RABGAP1L: variants seen among roughly 807,000 people sequenced by gnomAD.
The protein encoded by RABGAP1L is RAB GTPase activating protein 1 like.
A neutral mutation model predicts 137.7 loss-of-function variants in RABGAP1L; 63 were observed. That is an observed-to-expected ratio of 0.46 (90% CI 0.37 to 0.56). RABGAP1L has a LOEUF of 0.56. Among genes scored for constraint, RABGAP1L ranks in the 20% least tolerant of loss-of-function variants. The pLI, the probability that RABGAP1L is intolerant of heterozygous loss-of-function variation, is 0.00. For missense variants in RABGAP1L, 1,095 were observed against 1,244.0 expected (o/e 0.88, Z 1.80); for synonymous variants, 431 against 433.7 (o/e 0.99, Z 0.08).
intron 13 of RABGAP1L, among the ~76,000 whole-genome samples, chr1:174,462,425 A>G (rs1427336177): frequency 6.6e-6 from 1 of 151,916 alleles, no homozygotes; most frequent in Non-Finnish European, 1.5e-5. Flanking sequence ...TCTCCCTTCA[A>G]CTTCATCTTG....
chr1:174,585,969 T>C (rs1186808879), intron 13 of RABGAP1L, among the ~76,000 whole-genome samples: 1 of 152,228 alleles, frequency 6.6e-6, no homozygotes, highest in Non-Finnish European at 1.5e-5. Flanking sequence ...AGTGTGGTGA[T>C]TCCTTGAAGA....
chr1:174,376,132 TAGAG>T (rs1241067999), intron 12 of RABGAP1L, among the ~76,000 whole-genome samples: 2 of 122,528 alleles, frequency 1.6e-5, no homozygotes, highest in Admixed American at 1.9e-4. Context: ...CAGAGAGAGA[TAGAG>T]AAAGAGAGAA....
At chr1:174,813,576 A>C (rs1390329588) in intron 19 of RABGAP1L, among the ~76,000 whole-genome samples, 1 of 152,266 alleles carries the variant, frequency 6.6e-6, no homozygotes, top group East Asian at 1.9e-4. Context: ...GTAACTGGGC[A>C]GAAAAAAATT....
intron 18 of RABGAP1L, chr1:174,800,002 G>C: frequency 9.1e-7 from 1 of 1,095,964 alleles, no homozygotes; most frequent in Non-Finnish European, 1.1e-6. Context: ...TCACATGCTA[G>C]ACCCTTCTAA....
At chr1:174,274,354 G>A (rs1385743982) in intron 8 of RABGAP1L, among the ~76,000 whole-genome samples, 2 of 152,024 alleles carry the variant, frequency 1.3e-5, no homozygotes, top group Admixed American at 6.6e-5. Flanking sequence ...CTTTAAGGTC[G>A]TCCCGTAAGA....
chr1:174,601,322 T>C (rs1162021863), intron 13 of RABGAP1L, among the ~76,000 whole-genome samples: 2 of 152,228 alleles, frequency 1.3e-5, no homozygotes, highest in African/African-American at 4.8e-5. Flanking sequence ...CCCCATGGTC[T>C]TGGGAATTAA....
At chr1:174,355,835 A>G (rs919671691) in intron 11 of RABGAP1L, among the ~76,000 whole-genome samples, 3 of 152,212 alleles carry the variant, frequency 2.0e-5, no homozygotes, top group African/African-American at 7.2e-5. Flanking sequence ...AAGTTGGGAA[A>G]GAAATCATTT....
chr1:174,471,184 A>G (rs1189981959), intron 13 of RABGAP1L, among the ~76,000 whole-genome samples: 1 of 152,182 alleles, frequency 6.6e-6, no homozygotes, highest in East Asian at 1.9e-4. Context: ...GTTCAGTCAT[A>G]CTTATTACTT....
intron 19 of RABGAP1L, among the ~76,000 whole-genome samples, chr1:174,820,342 T>C (rs1263399434): frequency 6.6e-6 from 1 of 152,146 alleles, no homozygotes; most frequent in African/African-American, 2.4e-5. Context: ...TTGTAGCGTT[T>C]GCCCATTTCC....
intron 2 of RABGAP1L, among the ~76,000 whole-genome samples, chr1:174,220,214 T>G (rs1669645127): frequency 6.6e-6 from 1 of 152,152 alleles, no homozygotes; most frequent in African/African-American, 2.4e-5. Flanking sequence ...TAGCCAACAA[T>G]TTGTAAAGAA....
intron 13 of RABGAP1L, among the ~76,000 whole-genome samples, chr1:174,579,606 G>A (rs1320011147): frequency 6.6e-6 from 1 of 152,182 alleles, no homozygotes; most frequent in Non-Finnish European, 1.5e-5. Flanking sequence ...ATGTGATGAT[G>A]GAGTAAGAAT....
intron 13 of RABGAP1L, among the ~76,000 whole-genome samples, chr1:174,597,409 C>T (rs151240588): frequency 1.1e-3 from 160 of 152,124 alleles, no homozygotes; most frequent in African/African-American, 3.4e-3. Context: ...AGGGTCTATT[C>T]GAGTTTTTAA....
chr1:174,388,058 G>A (rs562096584), intron 12 of RABGAP1L, among the ~76,000 whole-genome samples: 19 of 151,968 alleles, frequency 1.3e-4, no homozygotes, highest in Admixed American at 7.2e-4. Context: ...CCTAAGTGTC[G>A]GGAAAAATAG....
chr1:174,183,247 A>T (rs554225230), intron 1 of RABGAP1L, among the ~76,000 whole-genome samples: 2 of 152,360 alleles, frequency 1.3e-5, no homozygotes, highest in South Asian at 2.1e-4. Context: ...GGATGCCAAT[A>T]AAAACAGATA....
chr1:174,213,206 C>T (rs1455625344), intron 1 of RABGAP1L, among the ~76,000 whole-genome samples: 1 of 152,118 alleles, frequency 6.6e-6, no homozygotes, highest in African/African-American at 2.4e-5. Flanking sequence ...GGGTGGATCA[C>T]CTGAGGTCAG....
At chr1:174,472,795 A>G (rs1376875448) in intron 13 of RABGAP1L, among the ~76,000 whole-genome samples, 1 of 152,216 alleles carries the variant, frequency 6.6e-6, no homozygotes, top group Non-Finnish European at 1.5e-5. Context: ...CACATTGTTC[A>G]TATAACAGTT....
chr1:174,478,459 A>G (rs1658741737), intron 13 of RABGAP1L, among the ~76,000 whole-genome samples: 2 of 151,874 alleles, frequency 1.3e-5, no homozygotes, highest in Non-Finnish European at 1.5e-5. Context: ...ATTTTTTTTT[A>G]AGAGATGGTG....
At chr1:174,665,062 A>G (rs1370191760) in intron 14 of RABGAP1L, among the ~76,000 whole-genome samples, 5 of 152,016 alleles carry the variant, frequency 3.3e-5, no homozygotes, top group Non-Finnish European at 4.4e-5. Context: ...TACATTCTTT[A>G]AAGTCATTTT....
At chr1:174,574,616 A>G (rs960359028) in intron 13 of RABGAP1L, among the ~76,000 whole-genome samples, 6 of 152,068 alleles carry the variant, frequency 3.9e-5, no homozygotes, top group African/African-American at 1.5e-4. Context: ...GAGTACAACA[A>G]TCAGATATTA....
Sources: gnomAD v4.1 joint callset for allele counts (sites outside exome capture counted in the v4.1 genomes callset) on GRCh38, gnomAD v4.1.1 for gene constraint, MANE v1.5 for transcripts, NCBI Gene and HGNC (gene_info 2026-07-23, HGNC 2026-07-21) for gene names.